The following PALM2AKAP2 variants were observed in gnomAD, a reference collection of about 807,000 sequenced individuals.
The protein encoded by PALM2AKAP2 is PALM2 and AKAP2 fusion.
In PALM2AKAP2, 37 loss-of-function variants were observed where a neutral mutation model predicts 71.5. The ratio of observed to expected loss-of-function variants is 0.52; its 90% confidence interval spans 0.40 to 0.68. The LOEUF (loss-of-function observed/expected upper bound fraction) is 0.68. Among genes scored for constraint, PALM2AKAP2 ranks in the 30% least tolerant of loss-of-function variants. The probability of loss-of-function intolerance (pLI) is 0.00; values close to 1 mark genes in which losing one functional copy is unlikely to be tolerated. For missense variants in PALM2AKAP2, 1,224 were observed against 1,191.8 expected (o/e 1.03, Z -0.40); for synonymous variants, 468 against 478.8 (o/e 0.98, Z 0.29).
intron 3 of PALM2AKAP2, chr9:110,162,098 C>CAGAA (rs752227672): frequency 2.5e-6 from 4 of 1,613,990 alleles, no homozygotes; most frequent in Non-Finnish European, 3.4e-6. Context: ...TGCCAGTACA[C>CAGAA]TTCTAAGTTA....
intron 1 of PALM2AKAP2, among the ~76,000 whole-genome samples, chr9:109,673,944 C>T (rs539133865): frequency 6.6e-6 from 1 of 151,962 alleles, no homozygotes; most frequent in South Asian, 2.1e-4. Flanking sequence ...GTTTTTCATT[C>T]ACTTGGTAGA....
At chr9:109,902,481 A>G (rs1217669093) in intron 3 of PALM2AKAP2, among the ~76,000 whole-genome samples, 9 of 152,226 alleles carry the variant, frequency 5.9e-5, no homozygotes, top group Admixed American at 3.9e-4. Flanking sequence ...GAGCCCCTGA[A>G]AGGCCATACA....
intron 1 of PALM2AKAP2, chr9:109,765,486 C>CATG (rs1829136828): frequency 1.3e-5 from 2 of 151,268 alleles, no homozygotes; most frequent in Non-Finnish European, 2.8e-5. Flanking sequence ...TCATCATCAT[C>CATG]ATCATCATCA....
intron 7 of PALM2AKAP2, among the ~76,000 whole-genome samples, chr9:110,029,761 G>A (rs978447843): frequency 6.6e-6 from 1 of 152,204 alleles, no homozygotes; most frequent in Non-Finnish European, 1.5e-5. Context: ...TCTTTAGTGC[G>A]ACTGGAAGGT....
intron 1 of PALM2AKAP2, among the ~76,000 whole-genome samples, chr9:109,811,053 A>T (rs948669942): frequency 7.9e-5 from 12 of 152,198 alleles, no homozygotes; most frequent in Non-Finnish European, 5.9e-5. Context: ...TAATCCTCTC[A>T]GACAGTTCAG....
chr9:109,849,541 G>A (rs115759453), intron 1 of PALM2AKAP2, among the ~76,000 whole-genome samples: 2,886 of 152,022 alleles, frequency 0.019, 43 homozygotes, highest in Middle Eastern at 0.054. Flanking sequence ...TGGGGTCAGG[G>A]GTTTGACACC....
intron 1 of PALM2AKAP2, among the ~76,000 whole-genome samples, chr9:109,772,975 G>A (rs1447901679): frequency 6.6e-6 from 1 of 152,138 alleles, no homozygotes; most frequent in Non-Finnish European, 1.5e-5. Flanking sequence ...AAAATTAGCC[G>A]GGTGTGGTGG....
chr9:109,755,473 T>C (rs558301836), intron 1 of PALM2AKAP2, among the ~76,000 whole-genome samples: 1 of 152,230 alleles, frequency 6.6e-6, no homozygotes, highest in East Asian at 1.9e-4. Context: ...GCACACCTTG[T>C]CATTTGAGTA....
intron 3 of PALM2AKAP2, among the ~76,000 whole-genome samples, chr9:109,905,243 C>T (rs1830420621): frequency 6.6e-6 from 1 of 152,156 alleles, no homozygotes; most frequent in South Asian, 2.1e-4. Flanking sequence ...GGGACAGTGA[C>T]CTACCCACTC....
intron 2 of PALM2AKAP2, among the ~76,000 whole-genome samples, chr9:110,153,574 G>A (rs1587868097): frequency 6.6e-6 from 1 of 152,206 alleles, no homozygotes; most frequent in Non-Finnish European, 1.5e-5. Flanking sequence ...CAATCCATAA[G>A]CATTTACTTG....
intron 1 of PALM2AKAP2, among the ~76,000 whole-genome samples, chr9:110,059,965 T>A (rs1833926589): frequency 6.6e-6 from 1 of 152,228 alleles, no homozygotes. Context: ...AAACAATTTT[T>A]AAAATATATC....
intron 1 of PALM2AKAP2, among the ~76,000 whole-genome samples, chr9:109,794,612 T>C (rs1827201056): frequency 6.6e-6 from 1 of 152,078 alleles, no homozygotes; most frequent in Non-Finnish European, 1.5e-5. Flanking sequence ...GGGCCTTGAT[T>C]TACAAATAGA....
intron 1 of PALM2AKAP2, among the ~76,000 whole-genome samples, chr9:109,835,208 G>A (rs149000456): frequency 1.6e-4 from 20 of 126,166 alleles, no homozygotes; most frequent in Non-Finnish European, 3.0e-4. Flanking sequence ...GGGAAAGAGG[G>A]GAGGGTGTAG....
At chr9:110,096,995 C>T (rs898663624) in intron 1 of PALM2AKAP2, among the ~76,000 whole-genome samples, 31 of 147,374 alleles carry the variant, frequency 2.1e-4, no homozygotes, top group Non-Finnish European at 3.9e-4. Context: ...GGGTGTTTCT[C>T]GCAGAGGGGG....
intron 1 of PALM2AKAP2, among the ~76,000 whole-genome samples, chr9:109,864,295 G>A (rs1485431422): frequency 1.3e-5 from 2 of 152,114 alleles, no homozygotes; most frequent in African/African-American, 2.4e-5. Context: ...AGCACAAATG[G>A]GCTCAGCCTT....
At chr9:110,138,390 C>T in exon 2 of PALM2AKAP2, 1 of 1,614,232 alleles carries the variant, frequency 6.2e-7, no homozygotes. Context: ...AAACAGCGGA[C>T]TTTGTCCATG....
At chr9:109,848,776 T>C (rs1216607843) in intron 1 of PALM2AKAP2, among the ~76,000 whole-genome samples, 3 of 103,180 alleles carry the variant, frequency 2.9e-5, no homozygotes, top group Admixed American at 2.2e-4. Context: ...ACCCCATCTC[T>C]ACAAAAAAAA....
intron 1 of PALM2AKAP2, among the ~76,000 whole-genome samples, chr9:109,719,418 T>A (rs1828373626): frequency 6.6e-6 from 1 of 152,166 alleles, no homozygotes; most frequent in African/African-American, 2.4e-5. Flanking sequence ...TGTCTTCACT[T>A]GTAAATAAGA....
intron 1 of PALM2AKAP2, among the ~76,000 whole-genome samples, chr9:110,102,637 G>A (rs1588110590): frequency 6.6e-6 from 1 of 151,856 alleles, no homozygotes; most frequent in Admixed American, 6.6e-5. Flanking sequence ...GCACTGCCAG[G>A]GCCCAGTACA....
Sources: allele counts gnomAD v4.1 joint callset (sites outside exome capture counted in the v4.1 genomes callset), GRCh38; gene constraint gnomAD v4.1.1; transcripts MANE v1.5; gene names NCBI Gene and HGNC (gene_info 2026-07-23, HGNC 2026-07-21).